DRD2: variants seen among roughly 807,000 people sequenced by gnomAD.
DRD2 encodes the protein D(2) dopamine receptor.
Under a neutral mutation model 38.0 loss-of-function variants are expected in DRD2, and 8 were observed. The ratio of observed to expected loss-of-function variants is 0.21; its 90% CI spans 0.12 to 0.38. The LOEUF is 0.38. DRD2 is among the 10% of genes least tolerant of loss of function. DRD2 has a pLI of 1.00. For synonymous variants in DRD2, 230 were observed against 238.6 expected (o/e 0.96, Z 0.33); for missense variants, 403 against 607.7 (o/e 0.66, Z 3.54).
At position 113,441,938 on chromosome 11, in the gene DRD2, ACT is replaced by A. The variant is rs375902990; in HGVS notation, c.-31-17258_-31-17257del. Among the ~76,000 whole-genome samples, 887 of 142,564 alleles carry A rather than the reference ACT, an allele frequency of 6.2e-3. 11 individuals are homozygous for A. Among genetic ancestry groups the A allele is most frequent in the African/African-American group, 0.022 (841 of 38,152 alleles). The allele number at this position is 142,564 out of a possible 152,430, so 93.5% of individuals were successfully genotyped here. ...ACTCCAGGCTGGGTGACAGAGTGAG[ACT>A]CTGTCTCCAAAAAAAAAAAAAAAGC... On this transcript the variant is annotated intron_variant, in intron 1 of 7. Coordinates refer to ENST00000362072, the MANE Select transcript of DRD2 (RefSeq NM_000795.4).
intron 1 of DRD2, among the ~76,000 whole-genome samples, chr11:113,464,942 G>A (rs1275802083): frequency 6.6e-6 from 1 of 152,014 alleles, no homozygotes; most frequent in Non-Finnish European, 1.5e-5. Context: ...ACTGAGTTCT[G>A]GCGAATTTAA....
At chr11:113,461,955 C>T (rs1316605052) in intron 1 of DRD2, among the ~76,000 whole-genome samples, 2 of 152,146 alleles carry the variant, frequency 1.3e-5, no homozygotes, top group Admixed American at 6.5e-5. Flanking sequence ...ATGGGCCTTC[C>T]CTTGCTGGAA....
At chr11:113,449,515 C>T (rs1951188599) in intron 1 of DRD2, among the ~76,000 whole-genome samples, 1 of 152,166 alleles carries the variant, frequency 6.6e-6, no homozygotes, top group South Asian at 2.1e-4. Flanking sequence ...ATGAGCAGAT[C>T]ATGTGAGCCA....
intron 6 of DRD2, chr11:113,414,003 C>A (rs955528739): frequency 2.9e-6 from 1 of 344,698 alleles, no homozygotes; most frequent in Non-Finnish European, 5.7e-6. Flanking sequence ...TCTTTCTGAG[C>A]CTGTTTCCTC....
At chr11:113,438,107 C>T (rs952521876) in intron 1 of DRD2, among the ~76,000 whole-genome samples, 9 of 152,162 alleles carry the variant, frequency 5.9e-5, no homozygotes, top group Non-Finnish European at 8.8e-5. Flanking sequence ...TTGAGGCCTT[C>T]CTAAGCAGTG....
chr11:113,454,081 A>T lies in DRD2; in HGVS notation c.-32+20995T>A, dbSNP rs535075773. Among the ~76,000 whole-genome samples the T allele has an allele frequency of 3.3e-5, 5 of 152,294 alleles. No individual in the cohort carries two copies. In the South Asian group the frequency reaches 1.0e-3, roughly 32 times the overall value. The stretch of plus-strand genomic sequence containing the variant: ...GGTGGCTCACTCTTCCTCACTCTAC[A>T]TTTAAAGAAGGCAGGTTGGTGGCTT... On this transcript the variant is annotated intron_variant, in intron 1 of 7. Transcript: ENST00000362072.
chr11:113,440,864 G>T (rs1303758890), intron 1 of DRD2, among the ~76,000 whole-genome samples: 3 of 152,170 alleles, frequency 2.0e-5, no homozygotes, highest in Admixed American at 2.0e-4. Context: ...GTCTTACCTT[G>T]GGGCTCCTGG....
chr11:113,451,973 A>G (rs567849391), intron 1 of DRD2, among the ~76,000 whole-genome samples: 16 of 152,158 alleles, frequency 1.1e-4, no homozygotes, highest in Non-Finnish European at 2.2e-4. Context: ...AGTGAGCTCC[A>G]TTGTCCCATT....
At chr11:113,424,319 C>G (rs202051438) in intron 2 of DRD2, 48 bp downstream of exon 2, 3 of 1,595,514 alleles carry the variant, frequency 1.9e-6, no homozygotes, top group Non-Finnish European at 2.6e-6. Context: ...GTGTCCAGTG[C>G]AGGGCCCTGC....
chr11:113,467,365 T>C (rs1951380318), intron 1 of DRD2, among the ~76,000 whole-genome samples: 1 of 152,206 alleles, frequency 6.6e-6, no homozygotes, highest in East Asian at 1.9e-4. Flanking sequence ...ATTATCTTTA[T>C]GCACTGGGGA....
intron 1 of DRD2, among the ~76,000 whole-genome samples, chr11:113,448,089 C>A (rs1015999997): frequency 2.2e-4 from 34 of 152,132 alleles, no homozygotes; most frequent in African/African-American, 7.2e-4. Context: ...AGTCAGAGGA[C>A]CTTCAGGCTA....
chr11:113,457,341 C>A (rs1565677164), intron 1 of DRD2, among the ~76,000 whole-genome samples: 1 of 152,162 alleles, frequency 6.6e-6, no homozygotes, highest in African/African-American at 2.4e-5. Flanking sequence ...AAGTAAATAA[C>A]AAGAAGGGGA....
intron 1 of DRD2, among the ~76,000 whole-genome samples, chr11:113,436,402 C>A (rs1333271004): frequency 6.6e-6 from 1 of 152,040 alleles, no homozygotes; most frequent in Non-Finnish European, 1.5e-5. Context: ...AATGTGTGGG[C>A]CTTAGTTGGA....
rs1435158031 is a variant in DRD2, at chr11:113,412,797, T to C, written c.897A>G (p.Pro299=). ...GGAGAGTCAGCTGGTGGTGGCTGGG[T>C]GGGATGGGGCTGTACCGGGTCCTCT... is the stretch of plus-strand genomic sequence containing the variant. ...PPERTRYSPI[P]PSHHQLTLPD... is the part of the protein sequence containing the mutation. The change falls in exon 7 of 8, where the codon CCA becomes CCG. Residue 299 remains proline (P), a synonymous_variant. Coordinates refer to ENST00000362072, the MANE Select transcript of DRD2 (RefSeq NM_000795.4). 1 of 1,613,170 alleles carries C rather than the reference T, an allele frequency of 6.2e-7. No individual in the cohort carries two copies. The highest frequency in any genetic ancestry group is 1.3e-5 in the African/African-American group (1 of 74,636).
intron 1 of DRD2, among the ~76,000 whole-genome samples, chr11:113,450,856 C>A (rs945368303): frequency 6.6e-6 from 1 of 152,202 alleles, no homozygotes; most frequent in Admixed American, 6.5e-5. Flanking sequence ...ACGGACCACT[C>A]CTTACCAGGG....
At chr11:113,418,455 T>C (rs1028536141) in intron 2 of DRD2, among the ~76,000 whole-genome samples, 3 of 152,224 alleles carry the variant, frequency 2.0e-5, no homozygotes, top group African/African-American at 4.8e-5. Context: ...TCTTAGATTC[T>C]GTATTTGTGT....
chr11:113,472,459 C>T (rs758221140), intron 1 of DRD2, among the ~76,000 whole-genome samples: 4 of 152,178 alleles, frequency 2.6e-5, no homozygotes, highest in Non-Finnish European at 4.4e-5. Context: ...GCGTTTGTCT[C>T]AATTTCAGAT....
chr11:113,454,948 G>T (rs534088790), intron 1 of DRD2, among the ~76,000 whole-genome samples: 1 of 152,312 alleles, frequency 6.6e-6, no homozygotes, highest in East Asian at 1.9e-4. Flanking sequence ...GAATGAAATT[G>T]TACGCTTGTC....
chr11:113,464,947 AT>A (rs1213722686), intron 1 of DRD2, among the ~76,000 whole-genome samples: 2 of 152,086 alleles, frequency 1.3e-5, no homozygotes, highest in East Asian at 3.9e-4. Flanking sequence ...GTTCTGGCGA[AT>A]TTAAGATATC....
Sources: allele counts gnomAD v4.1 joint callset (sites outside exome capture counted in the v4.1 genomes callset), GRCh38; gene constraint gnomAD v4.1.1; transcripts MANE v1.5; gene names NCBI Gene and HGNC (gene_info 2026-07-23, HGNC 2026-07-21).